The following LRFN5 variants were observed in gnomAD, a reference collection of about 807,000 sequenced individuals.
LRFN5 encodes leucine-rich repeat and fibronectin type-III domain-containing protein 5.
In LRFN5, 24 loss-of-function variants were observed where a neutral mutation model predicts 45.6. The observed-to-expected ratio is 0.53, with a 90% CI of 0.38 to 0.74. The LOEUF (loss-of-function observed/expected upper bound fraction) is 0.74, where lower values mean the gene tolerates loss of function less well. Among genes scored for constraint, LRFN5 ranks in the 30% least tolerant of loss-of-function variants. LRFN5 has a pLI of 0.00. For synonymous variants in LRFN5, 340 were observed against 313.8 expected (o/e 1.08, Z -0.88); for missense variants, 776 against 861.5 (o/e 0.90, Z 1.24).
chr14:41,671,604 A>ATTTTTTTTTTCTTTTT (rs1566613117), intron 1 of LRFN5, among the ~76,000 whole-genome samples: 3 of 91,078 alleles, frequency 3.3e-5, no homozygotes, highest in South Asian at 3.9e-4. Flanking sequence ...TGGAGGAGAG[A>ATTTTTTTTTTCTTTTT]TTTTTTTTTT....
intron 1 of LRFN5, among the ~76,000 whole-genome samples, chr14:41,621,818 A>G (rs1285239459): frequency 3.9e-5 from 6 of 152,068 alleles, no homozygotes; most frequent in Non-Finnish European, 5.9e-5. Flanking sequence ...TTCAGCTCTG[A>G]TTTGTCTCCA....
intron 1 of LRFN5, among the ~76,000 whole-genome samples, chr14:41,753,055 T>C (rs1009431450): frequency 3.3e-5 from 5 of 152,226 alleles, no homozygotes; most frequent in Admixed American, 2.0e-4. Flanking sequence ...TTGTCAGATT[T>C]GTCAAAGATC....
chr14:41,851,556 T>C (rs1889267988), intron 2 of LRFN5, among the ~76,000 whole-genome samples: 1 of 151,792 alleles, frequency 6.6e-6, no homozygotes, highest in African/African-American at 2.4e-5. Context: ...CTTTTTTACA[T>C]AAATTAATTT....
At chr14:41,827,127 AAATT>A (rs1186333459) in intron 2 of LRFN5, among the ~76,000 whole-genome samples, 2 of 152,140 alleles carry the variant, frequency 1.3e-5, no homozygotes, top group Non-Finnish European at 2.9e-5. Flanking sequence ...TGAAGGATAG[AAATT>A]AATTAAGATT....
intron 2 of LRFN5, among the ~76,000 whole-genome samples, chr14:41,883,084 T>C (rs1890441581): frequency 6.6e-6 from 1 of 151,792 alleles, no homozygotes. Flanking sequence ...CCTGACCACG[T>C]AATCTGTCCC....
chr14:41,806,489 A>G (rs1007581727), intron 2 of LRFN5, among the ~76,000 whole-genome samples: 12 of 152,150 alleles, frequency 7.9e-5, no homozygotes, highest in Non-Finnish European at 1.8e-4. Flanking sequence ...TAGAAGTGAT[A>G]GCACTTAAGA....
At chr14:41,784,727 CA>C (rs1232869173) in intron 2 of LRFN5, among the ~76,000 whole-genome samples, 5 of 152,046 alleles carry the variant, frequency 3.3e-5, no homozygotes, top group African/African-American at 1.2e-4. Flanking sequence ...CTCCTGGGTT[CA>C]AATGATTCTC....
At chr14:41,662,521 A>C (rs1030643874) in intron 1 of LRFN5, among the ~76,000 whole-genome samples, 2 of 152,102 alleles carry the variant, frequency 1.3e-5, no homozygotes, top group Admixed American at 6.6e-5. Context: ...AAATGGAGAT[A>C]AAACAAGTGC....
At chr14:41,633,592 T>C (rs1055337508) in intron 1 of LRFN5, among the ~76,000 whole-genome samples, 6 of 152,128 alleles carry the variant, frequency 3.9e-5, no homozygotes, top group African/African-American at 1.2e-4. Context: ...TTTGTCTAAA[T>C]AGAAGTTTTA....
At chr14:41,631,344 T>C (rs1163649869) in intron 1 of LRFN5, among the ~76,000 whole-genome samples, 2 of 152,118 alleles carry the variant, frequency 1.3e-5, no homozygotes, top group Admixed American at 1.3e-4. Context: ...TAATTGATCC[T>C]TCAGAACCTA....
intron 1 of LRFN5, among the ~76,000 whole-genome samples, chr14:41,684,135 A>G (rs1167005496): frequency 1.3e-5 from 2 of 152,188 alleles, no homozygotes; most frequent in African/African-American, 2.4e-5. Context: ...AATTTCATAC[A>G]TCTACAGTGA....
chr14:41,899,521 G>GA (rs1360674483), intron 5 of LRFN5, among the ~76,000 whole-genome samples: 1 of 152,144 alleles, frequency 6.6e-6, no homozygotes, highest in Non-Finnish European at 1.5e-5. Context: ...TTTTAGGGGG[G>GA]ATGTTTGAAA....
intron 1 of LRFN5, among the ~76,000 whole-genome samples, chr14:41,710,951 T>TA (rs1445714210): frequency 6.6e-6 from 1 of 152,184 alleles, no homozygotes; most frequent in East Asian, 1.9e-4. Flanking sequence ...CATCTTTTTT[T>TA]ATGGCTGCAT....
rs1479451688 is a variant in LRFN5, at chr14:41,886,956, T to C, written c.331T>C (p.Leu111=). The stretch of plus-strand genomic sequence containing the variant: ...GGCTTTGCATTTGAATAGCAACAGA[T>C]TGACTAAAATTACAAATGATATGTT... ...LRALHLNSNR[L]TKITNDMFSG... is the part of the protein sequence containing the mutation. The change falls in exon 3 of 6, where the codon TTG becomes CTG. Residue 111 remains leucine (L), a synonymous_variant. Coordinates refer to ENST00000298119, the MANE Select transcript of LRFN5 (RefSeq NM_152447.5). 3 of 1,614,174 alleles carry C rather than the reference T, an allele frequency of 1.9e-6. No individual in the cohort carries two copies. The highest frequency in any genetic ancestry group is 1.7e-5 in the Admixed American group (1 of 60,020).
chr14:41,904,048 C>G, intron 5 of LRFN5, 110 bp from the exon 6 acceptor site: 1 of 897,272 alleles, frequency 1.1e-6, no homozygotes, highest in Non-Finnish European at 1.7e-6. Context: ...TCCTTGGGTG[C>G]TTACATTTAG....
intron 2 of LRFN5, among the ~76,000 whole-genome samples, chr14:41,809,041 G>A (rs1003970473): frequency 4.6e-5 from 7 of 152,172 alleles, no homozygotes; most frequent in African/African-American, 1.4e-4. Flanking sequence ...GTTATGTGAA[G>A]CAGGAGGACA....
At chr14:41,836,339 A>G (rs575662761) in intron 2 of LRFN5, among the ~76,000 whole-genome samples, 3 of 152,360 alleles carry the variant, frequency 2.0e-5, no homozygotes, top group African/African-American at 7.2e-5. Flanking sequence ...TAAAGATTAT[A>G]TATTTACCAA....
At chr14:41,873,942 G>A (rs1449979377) in intron 2 of LRFN5, among the ~76,000 whole-genome samples, 2 of 152,122 alleles carry the variant, frequency 1.3e-5, no homozygotes, top group Non-Finnish European at 2.9e-5. Flanking sequence ...GTGGCTCAGA[G>A]ATTCACCTTT....
At chr14:41,732,793 A>AG (rs61677539) in intron 1 of LRFN5, among the ~76,000 whole-genome samples, 1 of 151,814 alleles carries the variant, frequency 6.6e-6, no homozygotes, top group Non-Finnish European at 1.5e-5. Context: ...CAAAAAAAAA[A>AG]TCTGTATTAA....
Sources: allele counts gnomAD v4.1 joint callset (sites outside exome capture counted in the v4.1 genomes callset), GRCh38; gene constraint gnomAD v4.1.1; transcripts MANE v1.5; gene names NCBI Gene and HGNC (gene_info 2026-07-23, HGNC 2026-07-21).